ZBTB34: variants seen among roughly 807,000 people sequenced by gnomAD.
ZBTB34 encodes zinc finger and BTB domain containing 34, also known as zinc finger and BTB domain-containing protein 34.
Under a neutral mutation model 33.4 loss-of-function variants are expected in ZBTB34, and 1 was observed. The ratio of observed to expected loss-of-function variants is 0.03; its 90% CI spans 0.01 to 0.14. The LOEUF is 0.14. ZBTB34 is among the 10% of genes least tolerant of loss of function. The pLI is 1.00. For synonymous variants in ZBTB34, 283 were observed against 253.5 expected, an observed-to-expected ratio of 1.12 and a Z score of -1.11; for missense variants, 406 against 657.2, an observed-to-expected ratio of 0.62 and a Z score of 4.18.
intron 1 of ZBTB34, among the ~76,000 whole-genome samples, chr9:126,873,004 C>T (rs994239001): frequency 1.2e-4 from 18 of 152,256 alleles, no homozygotes; most frequent in African/African-American, 4.3e-4. Context: ...ATTGGGAAGC[C>T]GCTTTCAGTT....
intron 1 of ZBTB34, among the ~76,000 whole-genome samples, chr9:126,869,696 C>T (rs1214517457): frequency 6.6e-6 from 1 of 152,144 alleles, no homozygotes; most frequent in African/African-American, 2.4e-5. Flanking sequence ...GTGGTCACGG[C>T]AGAGGCTGTG....
chr9:126,872,153 G>A (rs2033288107), intron 1 of ZBTB34, among the ~76,000 whole-genome samples: 1 of 152,000 alleles, frequency 6.6e-6, no homozygotes, highest in Admixed American at 6.6e-5. Flanking sequence ...GTTTTGCCAT[G>A]TTGGCCAGGC....
intron 1 of ZBTB34, among the ~76,000 whole-genome samples, chr9:126,866,669 A>T (rs1228501292): frequency 1.3e-5 from 2 of 152,038 alleles, no homozygotes; most frequent in Non-Finnish European, 2.9e-5. Context: ...TGCCTTTATA[A>T]CTGTCTGCTT....
rs570061969 is a variant in ZBTB34, at chr9:126,875,963, C to T, written c.-10-3427C>T. 1.1e-4 allele frequency among the ~76,000 whole-genome samples: 16 copies of T among 151,810 alleles called. No homozygotes were observed. In the South Asian group the frequency reaches 2.1e-3, roughly 20 times the overall value. ...TATGTGTACCTTGAGAGAACAGTTC[C>T]ACCATTAAATGAGTTTGCAAACTGC... is the stretch of plus-strand genomic sequence containing the variant. On this transcript the variant is annotated intron_variant, in intron 1 of 1. Transcript: ENST00000319119.
At chr9:126,885,045 A>G (rs1006536873) in exon 2 of ZBTB34, 1 of 167,140 alleles carries the variant, frequency 6.0e-6, no homozygotes, top group Admixed American at 6.5e-5. Flanking sequence ...TATCTAGTTC[A>G]TAAATCATAG....
intron 1 of ZBTB34, among the ~76,000 whole-genome samples, 176 bp downstream of exon 1, chr9:126,860,915 C>G (rs1380645244): frequency 6.7e-6 from 1 of 149,552 alleles, no homozygotes; most frequent in Non-Finnish European, 1.5e-5. Context: ...GGGCGGGAGC[C>G]GAGGCCGGGC....
Position 126,880,211 on chromosome 9 carries a change from T to C in ZBTB34, c.812T>C (p.Val271Ala), listed in dbSNP as rs1265528112. Residue 271 changes from valine to alanine, a missense_variant, in exon 2 of 2, where the codon GTT becomes GCT. Val to Ala is a moderately conservative substitution (Grantham distance 64, BLOSUM62 0). Around this residue, in one of 6 missense-constraint regions of ZBTB34, gnomAD observed 123 missense variants for 140.4 expected, o/e 0.88. Coordinates refer to ENST00000319119, the Ensembl canonical transcript of ZBTB34. This position sits in a 1 kb window ranked among gnomAD's most constrained non-coding sequence, Gnocchi z 6.7. Reference sequence around the variant, plus strand: ...ACCGAGATGGTTGATGGGGAACAAGTTGTGGCAGTGAATGTGGGCTCCTAT... The same window carrying C: ...ACCGAGATGGTTGATGGGGAACAAGCTGTGGCAGTGAATGTGGGCTCCTAT... 19 of 1,613,592 alleles carry C rather than the reference T, an allele frequency of 1.2e-5. No homozygotes were observed. Among genetic ancestry groups the C allele is most frequent in the Non-Finnish European group, 1.6e-5 (19 of 1,179,876 alleles).
intron 1 of ZBTB34, among the ~76,000 whole-genome samples, chr9:126,878,906 T>G (rs958425454): frequency 1.3e-5 from 2 of 152,002 alleles, no homozygotes; most frequent in Non-Finnish European, 2.9e-5. Flanking sequence ...GTATTTTTAG[T>G]ACAGATGGGG....
rs768249846 is a variant in ZBTB34, at chr9:126,880,086, G to A, written c.687G>A (p.Leu229=). Residue 229 remains leucine (L), a synonymous_variant, in exon 2 of 2, where the codon TTG becomes TTA. Coordinates refer to ENST00000319119, the Ensembl canonical transcript of ZBTB34. This position sits in a 1 kb window ranked among gnomAD's most constrained non-coding sequence, Gnocchi z 6.7. ...GAGACCATGAGCAAGGAGACCTATT[G>A]GTGAGGGAGAGCCAGATCACCGAGG... 1.2e-6 allele frequency: 2 copies of A among 1,613,728 alleles called. No individual in the cohort carries two copies. The highest frequency in any genetic ancestry group is 1.7e-6 in the Non-Finnish European group (2 of 1,179,886).
chr9:126,869,394 G>T (rs551059967), intron 1 of ZBTB34, among the ~76,000 whole-genome samples: 2 of 152,170 alleles, frequency 1.3e-5, no homozygotes, highest in South Asian at 4.2e-4. Context: ...GCCTTAAGGG[G>T]CAGGTTGGGA....
At chr9:126,869,302 C>T (rs10121685) in intron 1 of ZBTB34, among the ~76,000 whole-genome samples, 119,682 of 150,626 alleles carry the variant, frequency 0.79, 48,264 homozygotes, top group Middle Eastern at 0.88. Context: ...GACCTAGATA[C>T]GCACACTTCA....
chr9:126,878,774 G>T (rs1041608543), intron 1 of ZBTB34, among the ~76,000 whole-genome samples: 10 of 150,706 alleles, frequency 6.6e-5, no homozygotes, highest in Admixed American at 3.3e-4. Context: ...GCTAGGCTGG[G>T]ATGCAGTGGT....
chr9:126,871,582 G>T (rs2033280240), intron 1 of ZBTB34, among the ~76,000 whole-genome samples: 2 of 151,578 alleles, frequency 1.3e-5, no homozygotes, highest in African/African-American at 4.9e-5. Context: ...TGCCCACCTC[G>T]GCCTCCCAAA....
chr9:126,878,877 C>T (rs983795336), intron 1 of ZBTB34, among the ~76,000 whole-genome samples: 2 of 151,930 alleles, frequency 1.3e-5, no homozygotes, highest in Non-Finnish European at 2.9e-5. Context: ...GTGCACAACA[C>T]CACACCAGGC....
intron 1 of ZBTB34, among the ~76,000 whole-genome samples, chr9:126,867,452 T>TC (rs2033220938): frequency 6.6e-6 from 1 of 150,574 alleles, no homozygotes; most frequent in Non-Finnish European, 1.5e-5. Flanking sequence ...TTTTTCTTTT[T>TC]TTTTTTTTTT....
chr9:126,874,036 CTTTTTTTTTT>C (rs781115278), intron 1 of ZBTB34, among the ~76,000 whole-genome samples: 1 of 66,034 alleles, frequency 1.5e-5, no homozygotes, highest in Non-Finnish European at 2.7e-5. Context: ...TGTGTATGTT[CTTTTTTTTTT>C]TTTTTTTTTT....
chr9:126,880,322 A>G lies in ZBTB34; in HGVS notation c.923A>G (p.Asn308Ser), dbSNP rs1473811573. The G allele has an allele frequency of 3.7e-6, 6 of 1,613,882 alleles. No homozygotes were observed. The highest frequency in any genetic ancestry group is 5.1e-6 in the Non-Finnish European group (6 of 1,179,904). ...TCAGAAGCTTTTGGAAGTTTGAGTA[A>G]TTCCAGCCCATCCAGGTCCATGCTG... The change falls in exon 2 of 2, where the codon AAT becomes AGT. Residue 308 changes from asparagine to serine, a missense_variant. Physicochemically the swap from Asn to Ser is conservative, Grantham distance 46. Transcript: ENST00000319119. The surrounding 1 kb of genome is among the most constrained non-coding windows in gnomAD (Gnocchi z 6.7).
At chr9:126,865,868 C>T (rs921709646) in intron 1 of ZBTB34, among the ~76,000 whole-genome samples, 5 of 152,258 alleles carry the variant, frequency 3.3e-5, no homozygotes, top group East Asian at 1.9e-4. Context: ...GCCTGTAATC[C>T]CAGCTACTCA....
intron 1 of ZBTB34, among the ~76,000 whole-genome samples, chr9:126,875,376 C>T (rs996298496): frequency 2.0e-5 from 3 of 151,982 alleles, no homozygotes; most frequent in African/African-American, 4.8e-5. Flanking sequence ...ATCATTTTTT[C>T]GGATTTCTAA....
Sources: allele counts gnomAD v4.1 joint callset (sites outside exome capture counted in the v4.1 genomes callset), GRCh38; gene constraint gnomAD v4.1.1; regional missense constraint gnomAD v4.1.1; non-coding constraint Gnocchi (gnomAD v3.1); transcripts MANE v1.5; gene names NCBI Gene and HGNC (gene_info 2026-07-23, HGNC 2026-07-21).